NPAS3: variants seen among roughly 807,000 people sequenced by gnomAD.
NPAS3 encodes the protein neuronal PAS domain protein 3.
Under a neutral mutation model 73.1 loss-of-function variants are expected in NPAS3, and 14 were observed. The observed-to-expected ratio is 0.19, with a 90% CI of 0.13 to 0.30. The LOEUF (loss-of-function observed/expected upper bound fraction) is 0.30. Among genes scored for constraint, NPAS3 ranks in the 10% least tolerant of loss-of-function variants. NPAS3 has a pLI of 1.00. For synonymous variants in NPAS3, 620 were observed against 541.5 expected, an observed-to-expected ratio of 1.14 and a Z score of -2.01; for missense variants, 1,096 against 1,250.0, an observed-to-expected ratio of 0.88 and a Z score of 1.86.
rs561634320 is a variant in NPAS3, at chr14:33,226,296, A to T, written c.385+10870A>T. On this transcript the variant is annotated intron_variant, in intron 3 of 11. Coordinates refer to ENST00000356141, the Ensembl canonical transcript of NPAS3. ...TCATTTTGACGTGGCTAATCAAACA[A>T]CTGATCAGTTTAGGTTAATTAATAG... Among the ~76,000 whole-genome samples, 5 of 152,272 alleles carry T rather than the reference A, an allele frequency of 3.3e-5. No homozygotes were observed. The South Asian group carries it at 1.0e-3, about 32-fold the overall frequency.
chr14:32,942,432 T>G (rs1157386376), intron 1 of NPAS3, among the ~76,000 whole-genome samples: 17 of 152,354 alleles, frequency 1.1e-4, no homozygotes, highest in Admixed American at 5.2e-4. Flanking sequence ...GCTCCTTACA[T>G]TTCTCTGAAT....
intron 5 of NPAS3, among the ~76,000 whole-genome samples, chr14:33,648,109 G>A (rs2058886736): frequency 6.6e-6 from 1 of 152,106 alleles, no homozygotes; most frequent in Admixed American, 6.5e-5. Context: ...ACTCTGTAAA[G>A]CAGAGAAGGG....
At chr14:33,042,073 G>C (rs2040364426) in intron 1 of NPAS3, among the ~76,000 whole-genome samples, 1 of 151,982 alleles carries the variant, frequency 6.6e-6, no homozygotes, top group South Asian at 2.1e-4. Flanking sequence ...CAGTTCTATG[G>C]GGCAATTGGG....
exon 12 of NPAS3, chr14:33,799,840 G>C (rs1341479740): frequency 6.2e-7 from 1 of 1,614,144 alleles, no homozygotes; most frequent in Non-Finnish European, 8.5e-7. Flanking sequence ...ACAACGACAT[G>C]AACTGCAACG....
intron 7 of NPAS3, among the ~76,000 whole-genome samples, chr14:33,769,756 CTTTTTTTTTTTTTTT>C (rs916953785): frequency 2.4e-5 from 2 of 81,854 alleles, no homozygotes; most frequent in Non-Finnish European, 4.4e-5. Flanking sequence ...TTTTTTTTTT[CTTTTTTTTTTTTTTT>C]TTTTTTTTTT....
intron 5 of NPAS3, among the ~76,000 whole-genome samples, chr14:33,669,615 T>TG (rs1466756079): frequency 6.6e-6 from 1 of 152,130 alleles, no homozygotes; most frequent in East Asian, 1.9e-4. Flanking sequence ...ACAACAAAAA[T>TG]GGGGGAGATC....
chr14:32,998,095 T>G (rs2038657386), intron 1 of NPAS3, among the ~76,000 whole-genome samples: 1 of 152,234 alleles, frequency 6.6e-6, no homozygotes, highest in Non-Finnish European at 1.5e-5. Flanking sequence ...ATAGCAGCAC[T>G]GTTTACAATA....
At chr14:33,088,554 G>T (rs1395617467) in intron 2 of NPAS3, among the ~76,000 whole-genome samples, 1 of 152,236 alleles carries the variant, frequency 6.6e-6, no homozygotes, top group Non-Finnish European at 1.5e-5. Context: ...CTCGAACTGG[G>T]TGGAGCCCAC....
At chr14:33,117,477 C>G (rs1430984337) in intron 2 of NPAS3, among the ~76,000 whole-genome samples, 3 of 152,080 alleles carry the variant, frequency 2.0e-5, no homozygotes, top group Non-Finnish European at 4.4e-5. Flanking sequence ...GCTGAGATGG[C>G]AAGAGTTGTT....
chr14:33,114,562 C>T (rs1266201105), intron 2 of NPAS3, among the ~76,000 whole-genome samples: 1 of 152,120 alleles, frequency 6.6e-6, no homozygotes, highest in Non-Finnish European at 1.5e-5. Flanking sequence ...TTATAAGAGT[C>T]ATCAGTAATT....
chr14:33,314,365 C>G (rs912575317), intron 3 of NPAS3, among the ~76,000 whole-genome samples: 1 of 151,964 alleles, frequency 6.6e-6, no homozygotes, highest in Non-Finnish European at 1.5e-5. Flanking sequence ...AGGAGCTACA[C>G]AGACTAGGTA....
chr14:33,074,745 T>C (rs778245397), intron 2 of NPAS3, among the ~76,000 whole-genome samples: 2 of 152,172 alleles, frequency 1.3e-5, no homozygotes, highest in Non-Finnish European at 1.5e-5. Flanking sequence ...GCAGATCCCA[T>C]CGCTACATGG....
chr14:33,676,039 C>T (rs908224621), intron 5 of NPAS3, among the ~76,000 whole-genome samples, 172 bp from the exon 6 acceptor site: 1 of 151,434 alleles, frequency 6.6e-6, no homozygotes, highest in Non-Finnish European at 1.5e-5. Context: ...AAAAATCTTT[C>T]TCTTTCACCT....
At chr14:33,239,472 A>G (rs1310332943) in intron 3 of NPAS3, among the ~76,000 whole-genome samples, 2 of 151,876 alleles carry the variant, frequency 1.3e-5, no homozygotes, top group African/African-American at 4.8e-5. Flanking sequence ...ATTCATTGTC[A>G]TTTGACTCAT....
In NPAS3 at chr14:33,326,063, T is replaced by C. The variant is rs201755834; in HGVS notation, c.386-41123T>C. Reference sequence around the variant, plus strand: ...GTTTTGTTTTTTAGAATTTGCTTTTTCCCCCCAATGAGTAAATTTTATTAA... The same window carrying C: ...GTTTTGTTTTTTAGAATTTGCTTTTCCCCCCCAATGAGTAAATTTTATTAA... On this transcript the variant is annotated intron_variant, in intron 3 of 11. Coordinates refer to ENST00000356141, the Ensembl canonical transcript of NPAS3. Among the ~76,000 whole-genome samples the C allele has an allele frequency of 1.3e-4, 19 of 151,532 alleles. 1 individual carries two copies. In the East Asian group the frequency reaches 3.7e-3, roughly 30 times the overall value.
intron 2 of NPAS3, among the ~76,000 whole-genome samples, chr14:33,160,244 T>C (rs1198538193): frequency 2.0e-5 from 3 of 152,116 alleles, no homozygotes; most frequent in African/African-American, 7.2e-5. Flanking sequence ...ATCAAGTCAA[T>C]TATATTTTCT....
rs147338224 is a variant in NPAS3, at chr14:33,244,513, TAA to T, written c.385+29098_385+29099del. On this transcript the variant is annotated intron_variant, in intron 3 of 11. Coordinates refer to ENST00000356141, the Ensembl canonical transcript of NPAS3. ...TATATCTTATGGATGTAATGTAAGT[TAA>T]AAAAAAAAAACATATTTATCTGCAA... Among the ~76,000 whole-genome samples, 1,184 of 148,092 alleles carry T rather than the reference TAA, an allele frequency of 8.0e-3. 11 individuals carry two copies. The highest frequency in any genetic ancestry group is 0.026 in the African/African-American group (1,076 of 40,622).
chr14:33,784,752 T>TTTTTTA (rs1555333529), intron 9 of NPAS3, among the ~76,000 whole-genome samples: 2 of 112,686 alleles, frequency 1.8e-5, no homozygotes, highest in African/African-American at 3.9e-5. Flanking sequence ...TTTATTTTTT[T>TTTTTTA]TTTTTTTTTT....
chr14:33,524,715 C>T (rs2064998), intron 4 of NPAS3, among the ~76,000 whole-genome samples: 14,053 of 152,146 alleles, frequency 0.092, 934 homozygotes, highest in African/African-American at 0.18. Flanking sequence ...GATTAAGGTG[C>T]TGGCAGGGTT....
Sources: allele counts gnomAD v4.1 joint callset (sites outside exome capture counted in the v4.1 genomes callset), GRCh38; gene constraint gnomAD v4.1.1; transcripts MANE v1.5; gene names NCBI Gene and HGNC (gene_info 2026-07-23, HGNC 2026-07-21).